PLCH1: variants seen among roughly 807,000 people sequenced by gnomAD.
PLCH1 encodes phospholipase C eta 1, also known as 1-phosphatidylinositol 4,5-bisphosphate phosphodiesterase eta-1.
PLCH1 carries 60 observed loss-of-function variants against 126.7 expected under a neutral mutation model. The ratio of observed to expected loss-of-function variants is 0.47; its 90% CI spans 0.38 to 0.59. The LOEUF is 0.59. Among genes scored for constraint, PLCH1 ranks in the 20% least tolerant of loss-of-function variants. The pLI is 0.00. For missense variants in PLCH1, 1,723 were observed against 2,040.0 expected (o/e 0.84, Z 2.99); for synonymous variants, 719 against 734.9 (o/e 0.98, Z 0.35).
chr3:155,568,221 GT>G lies in PLCH1; in HGVS notation c.865+9del. ...AAGAAATGAGAAATAAAGAATATTGGTTATTTTACCTTCTATGCCAAGAACA... is the reference window on the plus strand; with the variant it reads ...AAGAAATGAGAAATAAAGAATATTGGTATTTTACCTTCTATGCCAAGAACA... On this transcript the variant is annotated intron_variant, in intron 7 of 22. Transcript: ENST00000460012. 8.7e-7 allele frequency: 1 copy of G among 1,155,790 alleles called. No individual in the cohort carries two copies. Among genetic ancestry groups the G allele is most frequent in the Non-Finnish European group, 1.3e-6 (1 of 773,820 alleles). 71.6% of individuals were successfully genotyped at this position (1,155,790 alleles called of 1,614,324 possible).
chr3:155,738,728 A>C (rs1042997133), intron 1 of PLCH1, among the ~76,000 whole-genome samples: 3 of 151,424 alleles, frequency 2.0e-5, no homozygotes, highest in Non-Finnish European at 4.4e-5. Context: ...CGGAGGTTGC[A>C]GTGAGCCGAG....
chr3:155,505,741 T>G (rs948526234), intron 12 of PLCH1, among the ~76,000 whole-genome samples: 1 of 152,200 alleles, frequency 6.6e-6, no homozygotes, highest in African/African-American at 2.4e-5. Flanking sequence ...TTTGGAGATC[T>G]ATTAATGCGG....
intron 21 of PLCH1, among the ~76,000 whole-genome samples, chr3:155,456,426 C>T (rs115799130): frequency 1.1e-3 from 160 of 152,212 alleles, no homozygotes; most frequent in African/African-American, 3.0e-3. Flanking sequence ...TGCCTTTAGC[C>T]CACAGGCCAT....
At chr3:155,490,689 G>A (rs1716044744) in intron 19 of PLCH1, 95 bp downstream of exon 19, 1 of 685,534 alleles carries the variant, frequency 1.5e-6, no homozygotes, top group Non-Finnish European at 2.6e-6. Flanking sequence ...ACGGATTTTA[G>A]AGATTTCTTG....
At chr3:155,540,755 T>C (rs889831168) in intron 10 of PLCH1, among the ~76,000 whole-genome samples, 1 of 152,094 alleles carries the variant, frequency 6.6e-6, no homozygotes, top group Non-Finnish European at 1.5e-5. Flanking sequence ...GATGTTGGCA[T>C]AGATGTGGTG....
At chr3:155,593,267 C>T (rs541361918) in intron 4 of PLCH1, among the ~76,000 whole-genome samples, 1 of 152,208 alleles carries the variant, frequency 6.6e-6, no homozygotes, top group East Asian at 1.9e-4. Flanking sequence ...CCAGTCAATC[C>T]CAGCAAGAAG....
intron 2 of PLCH1, among the ~76,000 whole-genome samples, chr3:155,644,132 G>C (rs1368652349): frequency 6.6e-6 from 1 of 152,192 alleles, no homozygotes; most frequent in Admixed American, 6.5e-5. Context: ...ACCTTGTAGT[G>C]CAGAAAAGGA....
At chr3:155,724,689 T>C (rs1346640150) in intron 1 of PLCH1, among the ~76,000 whole-genome samples, 2 of 152,156 alleles carry the variant, frequency 1.3e-5, no homozygotes, top group Non-Finnish European at 2.9e-5. Flanking sequence ...TGAATTCTTA[T>C]CATTCTGCCA....
Position 155,482,624 on chromosome 3 carries a change from C to T in PLCH1, c.3402G>A (p.Arg1134=), listed in dbSNP as rs749267793. 5 of 1,614,052 alleles carry T rather than the reference C, an allele frequency of 3.1e-6. No homozygotes were observed. In the African/African-American group the frequency reaches 6.7e-5, roughly 22 times the overall value. ...AGGATGTTGCAGCTCGGCCCTTACCCCTATTACCTTCCAGGTTCTTAATTT... is the reference window on the plus strand; with the variant it reads ...AGGATGTTGCAGCTCGGCCCTTACCTCTATTACCTTCCAGGTTCTTAATTT... The part of the protein sequence containing the change: ...NLEIKNLEGN[R]GKGRAATSFS... Residue 1134 remains arginine (R), a synonymous_variant, in exon 23 of 23, where the codon AGG becomes AGA. Transcript: ENST00000460012.
intron 1 of PLCH1, among the ~76,000 whole-genome samples, chr3:155,726,892 T>C (rs1313178577): frequency 1.3e-5 from 2 of 149,872 alleles, no homozygotes; most frequent in Non-Finnish European, 3.0e-5. Flanking sequence ...TTTTTTTTTT[T>C]TGTATTTTTA....
intron 2 of PLCH1, among the ~76,000 whole-genome samples, chr3:155,616,573 T>C (rs1266464935): frequency 6.6e-6 from 1 of 152,120 alleles, no homozygotes; most frequent in Non-Finnish European, 1.5e-5. Context: ...TAAATTAGAT[T>C]TACATATAAA....
At chr3:155,656,268 C>T (rs1741356287) in intron 2 of PLCH1, among the ~76,000 whole-genome samples, 1 of 151,812 alleles carries the variant, frequency 6.6e-6, no homozygotes, top group South Asian at 2.1e-4. Context: ...CATCCTTATG[C>T]TGCTTATATT....
At chr3:155,573,936 T>G (rs1729590376) in intron 6 of PLCH1, among the ~76,000 whole-genome samples, 1 of 152,012 alleles carries the variant, frequency 6.6e-6, no homozygotes, top group Non-Finnish European at 1.5e-5. Context: ...TTTTTTTAGA[T>G]AGAGTCTCAC....
intron 6 of PLCH1, among the ~76,000 whole-genome samples, chr3:155,581,512 T>A (rs1205645076): frequency 1.3e-5 from 2 of 152,194 alleles, no homozygotes; most frequent in African/African-American, 4.8e-5. Flanking sequence ...GAATGAATCT[T>A]GAAAACATTA....
At chr3:155,557,637 G>A (rs905609633) in intron 8 of PLCH1, among the ~76,000 whole-genome samples, 2 of 152,158 alleles carry the variant, frequency 1.3e-5, no homozygotes, top group Admixed American at 6.5e-5. Context: ...GAAGTTTCCT[G>A]TAAGTGCTAA....
chr3:155,514,395 C>T lies in PLCH1; in HGVS notation c.1632+328G>A, dbSNP rs114679172. ...GGTAAGTAGCAGGGAAGGCAGACAT[C>T]TAATGAATGTGGAGAGGTGGGAGTG... On this transcript the variant is annotated intron_variant, in intron 12 of 22. Coordinates refer to ENST00000460012, the MANE Select transcript of PLCH1 (RefSeq NM_014996.4). 2.9e-3 allele frequency among the ~76,000 whole-genome samples: 447 copies of T among 152,218 alleles called. 2 individuals carry two copies. Among genetic ancestry groups the T allele is most frequent in the African/African-American group, 9.4e-3 (391 of 41,526 alleles).
intron 2 of PLCH1, among the ~76,000 whole-genome samples, chr3:155,695,014 C>T (rs1338429016): frequency 3.3e-5 from 5 of 149,558 alleles, no homozygotes; most frequent in African/African-American, 1.2e-4. Context: ...AATTACCCCA[C>T]AGACAACACT....
At chr3:155,615,693 ACTTACAAGTGGGAG>A (rs1735716997) in intron 2 of PLCH1, among the ~76,000 whole-genome samples, 1 of 152,148 alleles carries the variant, frequency 6.6e-6, no homozygotes, top group Non-Finnish European at 1.5e-5. Flanking sequence ...ATATGTTCTC[ACTTACAAGTGGGAG>A]CTAAACTATG....
In PLCH1 at chr3:155,549,768, C is replaced by G; in HGVS notation, c.1362+19G>C. ...AGCTGATAATGAATGTCTTTTATTG[C>G]ATTACTTGAAGTAATTACCTTCACT... On this transcript the variant is annotated intron_variant, in intron 10 of 22. Coordinates refer to ENST00000460012, the MANE Select transcript of PLCH1 (RefSeq NM_014996.4). 1 of 1,578,754 alleles carries G rather than the reference C, an allele frequency of 6.3e-7. No individual in the cohort carries two copies. The highest frequency in any genetic ancestry group is 8.7e-7 in the Non-Finnish European group (1 of 1,150,720).
Sources: allele counts gnomAD v4.1 joint callset (sites outside exome capture counted in the v4.1 genomes callset), GRCh38; gene constraint gnomAD v4.1.1; transcripts MANE v1.5; gene names NCBI Gene and HGNC (gene_info 2026-07-23, HGNC 2026-07-21).